Variants in SGCD observed in about 807,000 individuals in gnomAD.
SGCD encodes the protein delta-sarcoglycan.
Under a neutral mutation model 36.6 loss-of-function variants are expected in SGCD, and 18 were observed. The observed-to-expected ratio is 0.49, with a 90% CI of 0.34 to 0.73. SGCD has a LOEUF of 0.73. Among genes scored for constraint, SGCD ranks in the 30% least tolerant of loss-of-function variants. The probability of loss-of-function intolerance (pLI) is 0.01; values close to 1 mark genes in which losing one functional copy is unlikely to be tolerated. For missense variants in SGCD, 387 were observed against 346.7 expected (o/e 1.12, Z -0.92); for synonymous variants, 133 against 130.6 (o/e 1.02, Z -0.12).
chr5:155,925,502 G>A (rs1756977774), intron 1 of SGCD, among the ~76,000 whole-genome samples: 1 of 152,156 alleles, frequency 6.6e-6, no homozygotes, highest in Non-Finnish European at 1.5e-5. Context: ...TCCTTGGCTT[G>A]TGGTAGCGTC....
Position 156,106,109 on chromosome 5 carries a change from C to CAA in SGCD, c.-281-11740_-281-11739dup, listed in dbSNP as rs1159337817. ...TGGGTGACAGAGTGAGACTCTGCCT[C>CAA]AAAAAAAAAAAAAAAAAAAAAAAAA... On this transcript the variant is annotated intron_variant, in intron 1 of 9. Transcript: ENST00000517913. 4.6e-3 allele frequency among the ~76,000 whole-genome samples: 162 copies of CAA among 34,940 alleles called. 9 individuals carry two copies. The highest frequency in any genetic ancestry group is 6.0e-3 in the African/African-American group (58 of 9,730). 22.9% of individuals were successfully genotyped at this position (34,940 alleles called of 152,430 possible).
At chr5:156,727,878 AG>A (rs1333491376) in intron 7 of SGCD, among the ~76,000 whole-genome samples, 1 of 152,272 alleles carries the variant, frequency 6.6e-6, no homozygotes, top group African/African-American at 2.4e-5. Flanking sequence ...GGCAGTTGGA[AG>A]AGATAAGAAC....
intron 1 of SGCD, among the ~76,000 whole-genome samples, chr5:155,940,431 T>C (rs982495457): frequency 6.6e-6 from 1 of 152,232 alleles, no homozygotes; most frequent in African/African-American, 2.4e-5. Flanking sequence ...GGGCAAGTTA[T>C]TTGACCAACC....
intron 3 of SGCD, among the ~76,000 whole-genome samples, chr5:156,248,623 C>T (rs1007531842): frequency 2.0e-5 from 3 of 152,106 alleles, no homozygotes; most frequent in African/African-American, 4.8e-5. Context: ...ATGCTGGGCG[C>T]TGGGCTTCGT....
chr5:155,850,192 CTT>C, the SGCD span, among the ~76,000 whole-genome samples: 2 of 152,150 alleles, frequency 1.3e-5, no homozygotes, highest in African/African-American at 4.8e-5. Context: ...TGTAATGCAA[CTT>C]TGCTGACTAG....
At chr5:156,310,014 G>T (rs1767349786) in intron 3 of SGCD, among the ~76,000 whole-genome samples, 1 of 152,066 alleles carries the variant, frequency 6.6e-6, no homozygotes, top group Non-Finnish European at 1.5e-5. Context: ...CTCAGGGTTT[G>T]CTGCCTTGTT....
At chr5:155,952,235 A>AC (rs1757562376) in intron 1 of SGCD, among the ~76,000 whole-genome samples, 1 of 151,828 alleles carries the variant, frequency 6.6e-6, no homozygotes. Flanking sequence ...GTTTTCAAAA[A>AC]CCCCAAGGAG....
intron 3 of SGCD, among the ~76,000 whole-genome samples, chr5:156,411,349 C>T (rs1191156168): frequency 1.3e-5 from 2 of 152,228 alleles, no homozygotes; most frequent in Non-Finnish European, 2.9e-5. Context: ...GAAGGGCAGC[C>T]CCTTTGGAAT....
At chr5:156,452,575 T>C (rs1437027987) in intron 3 of SGCD, among the ~76,000 whole-genome samples, 2 of 152,176 alleles carry the variant, frequency 1.3e-5, no homozygotes, top group African/African-American at 4.8e-5. Context: ...CTTTCCCTTT[T>C]ATAGCCACCA....
At position 156,260,405 on chromosome 5, in the gene SGCD, C is replaced by T. The variant is rs986317911; in HGVS notation, c.-43-69129C>T. Among the ~76,000 whole-genome samples, 9 of 152,104 alleles carry T rather than the reference C, an allele frequency of 5.9e-5. No homozygotes were observed. The East Asian group carries it at 1.5e-3, about 26-fold the overall frequency. On this transcript the variant is annotated intron_variant, in intron 3 of 9. Coordinates refer to the SGCD transcript ENST00000517913. ...TTTAGATATCAATTTCTAGGTCTTA[C>T]TAATTTTACTAAGCAATATTTTATA...
intron 1 of SGCD, among the ~76,000 whole-genome samples, chr5:156,036,233 T>C (rs890354102): frequency 6.6e-6 from 1 of 152,174 alleles, no homozygotes; most frequent in African/African-American, 2.4e-5. Context: ...TCATAGAGAC[T>C]TGTACAGCAG....
intron 7 of SGCD, among the ~76,000 whole-genome samples, chr5:156,729,683 G>A (rs1316131771): frequency 6.6e-6 from 1 of 152,124 alleles, no homozygotes; most frequent in Non-Finnish European, 1.5e-5. Flanking sequence ...ATAAAATCAA[G>A]GTTAGTATAT....
chr5:156,405,388 G>T (rs941045658), intron 3 of SGCD, among the ~76,000 whole-genome samples: 2 of 152,298 alleles, frequency 1.3e-5, no homozygotes, highest in Admixed American at 1.3e-4. Context: ...TTGGATGGTA[G>T]AATATTCTTG....
chr5:156,575,100 G>T (rs769650968), intron 4 of SGCD, among the ~76,000 whole-genome samples: 1 of 152,194 alleles, frequency 6.6e-6, no homozygotes, highest in East Asian at 1.9e-4. Flanking sequence ...TTTAGCCCAC[G>T]GAGTTTCTGC....
chr5:156,028,025 G>C (rs1231922921), intron 1 of SGCD, among the ~76,000 whole-genome samples: 3 of 152,128 alleles, frequency 2.0e-5, no homozygotes, highest in Admixed American at 1.3e-4. Flanking sequence ...ATTCCTAAAG[G>C]TCCCACCTTA....
the SGCD span, among the ~76,000 whole-genome samples, chr5:155,739,073 A>G: frequency 6.6e-6 from 1 of 152,200 alleles, no homozygotes; most frequent in African/African-American, 2.4e-5. Flanking sequence ...TTAAGATTGT[A>G]TGAACTTTTT....
intron 4 of SGCD, among the ~76,000 whole-genome samples, chr5:156,588,004 G>T (rs537515427): frequency 1.3e-5 from 2 of 151,298 alleles, no homozygotes; most frequent in East Asian, 3.9e-4. Flanking sequence ...GGGGCTCAAA[G>T]CATTGAGCTA....
In SGCD at chr5:155,917,869, T is replaced by G. The variant is rs184309502; in HGVS notation, c.-282+47445T>G. On this transcript the variant is annotated intron_variant, in intron 1 of 9. Coordinates refer to the SGCD transcript ENST00000517913. ...AATGTGACCAAGTGATAAGAAATTTTCAAAGAGCCCTTTGGCTTCTTTTAG... is the reference window on the plus strand; with the variant it reads ...AATGTGACCAAGTGATAAGAAATTTGCAAAGAGCCCTTTGGCTTCTTTTAG... Among the ~76,000 whole-genome samples, 150 of 152,330 alleles carry G rather than the reference T, an allele frequency of 9.8e-4. 1 individual carries two copies. Among genetic ancestry groups the G allele is most frequent in the Admixed American group, 1.6e-3 (25 of 15,296 alleles).
chr5:156,255,527 C>A (rs1297314919), intron 3 of SGCD, among the ~76,000 whole-genome samples: 2 of 152,058 alleles, frequency 1.3e-5, no homozygotes, highest in Non-Finnish European at 2.9e-5. Flanking sequence ...ATCGACTGTA[C>A]CTGTTCTTGT....
Sources: allele counts gnomAD v4.1 joint callset (sites outside exome capture counted in the v4.1 genomes callset), GRCh38; gene constraint gnomAD v4.1.1; transcripts MANE v1.5; gene names NCBI Gene and HGNC (gene_info 2026-07-23, HGNC 2026-07-21).